Variants in CLEC16A observed in about 807,000 individuals in gnomAD.
The protein encoded by CLEC16A is C-type lectin domain containing 16A.
In CLEC16A, 51 loss-of-function variants were observed where a neutral mutation model predicts 109.5. The observed-to-expected ratio is 0.47, with a 90% CI of 0.37 to 0.59. The LOEUF (loss-of-function observed/expected upper bound fraction) is 0.59, where lower values mean the gene tolerates loss of function less well. Ranked by LOEUF, CLEC16A falls within the 20% of genes least tolerant of loss-of-function variation. CLEC16A has a pLI of 0.00. For missense variants in CLEC16A, 1,339 were observed against 1,394.0 expected, an observed-to-expected ratio of 0.96 and a Z score of 0.63; for synonymous variants, 673 against 564.2, an observed-to-expected ratio of 1.19 and a Z score of -2.73.
chr16:11,078,898 ACTTT>A (rs1567287905), intron 19 of CLEC16A, among the ~76,000 whole-genome samples: 1 of 152,084 alleles, frequency 6.6e-6, no homozygotes, highest in Non-Finnish European at 1.5e-5. Flanking sequence ...TCTCCTCTCC[ACTTT>A]CCTGCATCCG....
At position 11,043,473 on chromosome 16, in the gene CLEC16A, T is replaced by A. The variant is rs192632624; in HGVS notation, c.1771-555T>A. 2.1e-3 allele frequency among the ~76,000 whole-genome samples: 327 copies of A among 152,230 alleles called. 4 individuals carry two copies. Among genetic ancestry groups the A allele is most frequent in the African/African-American group, 7.4e-3 (309 of 41,548 alleles). ...TATAACCCATTTTCCCCCAATTAACTGTATATTAACAGCTTCTCATGCCAT... is the reference window on the plus strand; with the variant it reads ...TATAACCCATTTTCCCCCAATTAACAGTATATTAACAGCTTCTCATGCCAT... On this transcript the variant is annotated intron_variant, in intron 15 of 23. Coordinates refer to ENST00000409790, the MANE Select transcript of CLEC16A (RefSeq NM_015226.3).
Position 11,044,043 on chromosome 16 carries a change from A to G in CLEC16A, c.1786A>G (p.Ser596Gly), listed in dbSNP as rs756292901. ...CTTTTAACAGGGTGCGAGAGAAGAA[A>G]GTGTTCACCTTGTACGACATTTTTA... is the stretch of plus-strand genomic sequence containing the variant. ...LACLEGAREE[S>G]VHLVRHFYKG... Residue 596 changes from serine (S) to glycine (G), a missense_variant, in exon 16 of 24, where the codon AGT becomes GGT. Ser to Gly is a moderately conservative substitution (Grantham distance 56, BLOSUM62 0). This residue lies in a region of CLEC16A where 1,061 missense variants were observed against 1,006.8 expected (regional missense o/e 1.05). Transcript: ENST00000409790. 6.2e-7 allele frequency: 1 copy of G among 1,609,410 alleles called. No homozygotes were observed. Among genetic ancestry groups the G allele is most frequent in the Non-Finnish European group, 8.5e-7 (1 of 1,177,112 alleles).
intron 23 of CLEC16A, among the ~76,000 whole-genome samples, chr16:11,170,969 G>A (rs547812684): frequency 6.6e-6 from 1 of 152,332 alleles, no homozygotes; most frequent in East Asian, 1.9e-4. Context: ...GCCCTGGTCC[G>A]TGAGGAAGGT....
chr16:11,055,007 T>G (rs986687708), intron 18 of CLEC16A, among the ~76,000 whole-genome samples: 2 of 152,110 alleles, frequency 1.3e-5, no homozygotes, highest in African/African-American at 4.8e-5. Context: ...ATCCTTTATT[T>G]TCCTTAAGGA....
rs146647135 is a variant in CLEC16A, at chr16:11,116,239, A to T, written c.2117-4376A>T. Among the ~76,000 whole-genome samples, 746 of 151,968 alleles carry T rather than the reference A, an allele frequency of 4.9e-3. 9 individuals carry two copies. Among genetic ancestry groups the T allele is most frequent in the Admixed American group, 0.03 (455 of 15,272 alleles). On this transcript the variant is annotated intron_variant, in intron 19 of 23. Transcript: ENST00000409790. ...ACCCTGTCTCTACTAAAAATAAAAA[A>T]AAAAAAATAGCCAGGCGTGGTGGTG...
intron 22 of CLEC16A, among the ~76,000 whole-genome samples, chr16:11,160,009 C>A (rs1480664690): frequency 2.0e-5 from 3 of 152,080 alleles, no homozygotes; most frequent in Non-Finnish European, 4.4e-5. Context: ...AGTGGAGAAT[C>A]CCCAAATTGA....
intron 19 of CLEC16A, among the ~76,000 whole-genome samples, chr16:11,077,115 C>G (rs375541910): frequency 1.3e-3 from 196 of 152,154 alleles, no homozygotes; most frequent in Middle Eastern, 3.4e-3. Flanking sequence ...GAGGCTGAGG[C>G]GGGAGGATCA....
In CLEC16A at chr16:10,977,536, C is replaced by T. The variant is rs142446236; in HGVS notation, c.903+137C>T. The T allele has an allele frequency of 1.5e-4, 130 of 855,920 alleles. No individual in the cohort carries two copies. In the African/African-American group the frequency reaches 2.0e-3, roughly 13 times the overall value. 53.0% of individuals were successfully genotyped at this position (855,920 alleles called of 1,614,324 possible). On this transcript the variant is annotated intron_variant, in intron 8 of 23. Transcript: ENST00000409790. Reference sequence around the variant, plus strand: ...TTTTTGTTTGTTTGTTTTTAAAAGACGGAGTTTTGCTCTTTTACCCAGGCT... The same window carrying T: ...TTTTTGTTTGTTTGTTTTTAAAAGATGGAGTTTTGCTCTTTTACCCAGGCT...
Position 11,003,069 on chromosome 16 carries a change from C to A in CLEC16A, c.1072-5C>A. The A allele has an allele frequency of 6.2e-7, 1 of 1,605,912 alleles. No individual in the cohort carries two copies. Among genetic ancestry groups the A allele is most frequent in the Admixed American group, 1.7e-5 (1 of 58,300 alleles). On this transcript the variant is annotated splice_region_variant and splice_polypyrimidine_tract_variant and intron_variant, in intron 10 of 23. Coordinates refer to ENST00000409790, the MANE Select transcript of CLEC16A (RefSeq NM_015226.3). ...TCACCTGTTGCCTTCGTTGGACTTT[C>A]CTAGGCCAAGCCCAGCATTCGGTGC... is the stretch of plus-strand genomic sequence containing the variant.
chr16:11,104,028 A>G (rs2051074587), intron 19 of CLEC16A, among the ~76,000 whole-genome samples: 2 of 152,200 alleles, frequency 1.3e-5, no homozygotes, highest in African/African-American at 4.8e-5. Flanking sequence ...TGTGGGTACC[A>G]GGATCCCCCA....
chr16:11,096,876 G>C (rs1597373592), intron 19 of CLEC16A, among the ~76,000 whole-genome samples: 1 of 152,100 alleles, frequency 6.6e-6, no homozygotes, highest in East Asian at 1.9e-4. Flanking sequence ...CAATACAAAG[G>C]GAGGGACATA....
At chr16:10,972,356 C>A in intron 5 of CLEC16A, 198 bp from the exon 6 acceptor site, 1 of 585,628 alleles carries the variant, frequency 1.7e-6, no homozygotes, top group Non-Finnish European at 3.1e-6. Context: ...TGACCCTGGT[C>A]CAAGCCACAG....
Position 10,982,959 on chromosome 16 carries a change from G to T in CLEC16A, c.1039G>T (p.Ala347Ser). The T allele has an allele frequency of 6.2e-7, 1 of 1,609,306 alleles. No homozygotes were observed. Among genetic ancestry groups the T allele is most frequent in the Non-Finnish European group, 8.5e-7 (1 of 1,175,668 alleles). Residue 347 changes from alanine (A) to serine (S), a missense_variant, in exon 10 of 24, where the codon GCT becomes TCT. Around this residue, in one of 3 missense-constraint regions of CLEC16A, gnomAD observed 1,061 missense variants for 1,006.8 expected, o/e 1.05. Transcript: ENST00000409790. ...GAATGGTGATCTGTCTGAGATGTAC[G>T]CTAAGACTGAACAGGATATTCAGAG... is the stretch of plus-strand genomic sequence containing the variant. ...ILNGDLSEMY[A>S]KTEQDIQRSS...
intron 2 of CLEC16A, among the ~76,000 whole-genome samples, chr16:10,958,513 C>G (rs1398683095): frequency 6.6e-6 from 1 of 152,172 alleles, no homozygotes; most frequent in Non-Finnish European, 1.5e-5. Flanking sequence ...GTTTCTTTAC[C>G]TTTAAAAGAG....
Position 11,174,383 on chromosome 16 carries a change from G to T in CLEC16A, c.2807-3952G>T, listed in dbSNP as rs139383710. On this transcript the variant is annotated intron_variant, in intron 23 of 23. Coordinates refer to ENST00000409790, the MANE Select transcript of CLEC16A (RefSeq NM_015226.3). This position sits in a 1 kb window ranked among gnomAD's most constrained non-coding sequence, Gnocchi z 4.7. ...GCAAGGTGGGCCAAGCTGGGCCTGA[G>T]CACAGAGCCATTTGCCAAGGCGGCA... is the stretch of plus-strand genomic sequence containing the variant. The T allele has an allele frequency of 7.8e-4, 283 of 361,386 alleles. 2 individuals are homozygous for T. The Middle Eastern group carries it at 0.013, about 16-fold the overall frequency. 22.4% of individuals were successfully genotyped at this position (361,386 alleles called of 1,614,324 possible). A position where few individuals can be genotyped will look rare whatever the true frequency, so the allele number is the denominator to read the frequency against.
chr16:11,072,704 A>C (rs542851975), intron 19 of CLEC16A, among the ~76,000 whole-genome samples: 2 of 152,234 alleles, frequency 1.3e-5, no homozygotes, highest in East Asian at 3.8e-4. Flanking sequence ...AGAAAAGTCC[A>C]TCAGAAATAC....
intron 22 of CLEC16A, among the ~76,000 whole-genome samples, chr16:11,156,087 C>T (rs1446399795): frequency 6.6e-6 from 1 of 152,152 alleles, no homozygotes; most frequent in Non-Finnish European, 1.5e-5. Flanking sequence ...CCTGGCCGGG[C>T]ATGGTGGCTC....
In CLEC16A at chr16:10,969,441, T is replaced by G. The variant is rs186154955; in HGVS notation, c.492+132T>G. On this transcript the variant is annotated intron_variant, in intron 4 of 23. Transcript: ENST00000409790. The stretch of plus-strand genomic sequence containing the variant: ...AAAGCTCTTATATGCTTGTTATGAT[T>G]TTCATGGCAACACTTTTGACTTTGG... 4.4e-5 allele frequency: 26 copies of G among 595,092 alleles called. No individual in the cohort carries two copies. The Admixed American group carries it at 9.2e-4, about 21-fold the overall frequency. The allele number at this position is 595,092 out of a possible 1,614,324, so 36.9% of individuals were successfully genotyped here. A position where few individuals can be genotyped will look rare whatever the true frequency, so the allele number is the denominator to read the frequency against.
chr16:10,969,225 G>A lies in CLEC16A; in HGVS notation c.408G>A (p.Glu136=). 1 of 1,608,920 alleles carries A rather than the reference G, an allele frequency of 6.2e-7. No homozygotes were observed. The change falls in exon 4 of 24, where the codon GAG becomes GAA. Residue 136 remains glutamate (E), a synonymous_variant. Coordinates refer to ENST00000409790, the MANE Select transcript of CLEC16A (RefSeq NM_015226.3). ...IIVHKFDFSD[E]EIMAYYISFL... is the part of the protein sequence containing the mutation. ...TTCATAAATTTGACTTTTCTGATGA[G>A]GAGATTATGGCCTATTATATATCGT...
Sources: gnomAD v4.1 joint callset for allele counts (sites outside exome capture counted in the v4.1 genomes callset) on GRCh38, gnomAD v4.1.1 for gene constraint, gnomAD v4.1.1 regional missense constraint, Gnocchi (gnomAD v3.1) non-coding constraint, MANE v1.5 for transcripts, NCBI Gene and HGNC (gene_info 2026-07-23, HGNC 2026-07-21) for gene names.